The following PTPRK variants were observed in gnomAD, a reference collection of about 807,000 sequenced individuals.
PTPRK encodes receptor-type tyrosine-protein phosphatase kappa.
In PTPRK, 75 loss-of-function variants were observed where a neutral mutation model predicts 178.0. The observed-to-expected ratio is 0.42, with a 90% CI of 0.35 to 0.51. The LOEUF (loss-of-function observed/expected upper bound fraction) is 0.51, where lower values mean the gene tolerates loss of function less well. Among genes scored for constraint, PTPRK ranks in the 20% least tolerant of loss-of-function variants. The probability of loss-of-function intolerance (pLI) is 0.02; values close to 1 mark genes in which losing one functional copy is unlikely to be tolerated. For missense variants in PTPRK, 1,441 were observed against 1,797.8 expected (o/e 0.80, Z 3.59); for synonymous variants, 637 against 620.6 (o/e 1.03, Z -0.39).
intron 1 of PTPRK, among the ~76,000 whole-genome samples, chr6:128,481,630 G>A (rs1016963047): frequency 2.6e-5 from 4 of 151,992 alleles, no homozygotes; most frequent in African/African-American, 9.7e-5. Flanking sequence ...TCCTCTAGTT[G>A]TAAATCTACC....
Position 128,397,548 on chromosome 6 carries a change from A to G in PTPRK, c.223+18T>C, listed in dbSNP as rs1840478004. ...CAAAACTATTCCCCCAACACTGACT[A>G]AACAGAGTGACTCTCACCTTGGGGC... On this transcript the variant is annotated intron_variant, in intron 2 of 29. Coordinates refer to ENST00000368226, the MANE Select transcript of PTPRK (RefSeq NM_002844.4). The G allele has an allele frequency of 6.2e-7, 1 of 1,613,712 alleles. No individual in the cohort carries two copies. Among genetic ancestry groups the G allele is most frequent in the Non-Finnish European group, 8.5e-7 (1 of 1,179,694 alleles).
chr6:128,277,196 C>T (rs1445423185), intron 3 of PTPRK, among the ~76,000 whole-genome samples: 1 of 151,396 alleles, frequency 6.6e-6, no homozygotes, highest in Admixed American at 6.6e-5. Flanking sequence ...ATAAAACAAA[C>T]ATTGAACGTT....
chr6:128,289,395 T>C (rs901978793), intron 3 of PTPRK, among the ~76,000 whole-genome samples: 1 of 152,132 alleles, frequency 6.6e-6, no homozygotes, highest in Non-Finnish European at 1.5e-5. Context: ...GAGCCACAAA[T>C]CAAATTTATA....
intron 2 of PTPRK, among the ~76,000 whole-genome samples, chr6:128,392,783 T>C (rs1372516796): frequency 6.6e-6 from 1 of 152,236 alleles, no homozygotes; most frequent in Non-Finnish European, 1.5e-5. Context: ...AAGAGAACAC[T>C]TTTTTGATAG....
chr6:128,039,947 A>G (rs1776890313), intron 13 of PTPRK, among the ~76,000 whole-genome samples: 1 of 152,116 alleles, frequency 6.6e-6, no homozygotes, highest in Non-Finnish European at 1.5e-5. Flanking sequence ...ACTAACAAAG[A>G]CATATTCAAG....
chr6:128,359,758 T>TA (rs899562314), intron 2 of PTPRK, among the ~76,000 whole-genome samples: 64 of 145,488 alleles, frequency 4.4e-4, no homozygotes, highest in Middle Eastern at 3.4e-3. Context: ...GTCTCAAAAA[T>TA]AAAAAAAAAA....
At chr6:128,369,903 T>A (rs1836029775) in intron 2 of PTPRK, among the ~76,000 whole-genome samples, 1 of 152,022 alleles carries the variant, frequency 6.6e-6, no homozygotes, top group Admixed American at 6.6e-5. Flanking sequence ...GCAGACAGTC[T>A]TGTAAGAGAA....
intron 1 of PTPRK, among the ~76,000 whole-genome samples, chr6:128,419,014 T>A (rs145938221): frequency 1.5e-4 from 23 of 152,344 alleles, no homozygotes; most frequent in African/African-American, 5.3e-4. Flanking sequence ...AAAATTCTTA[T>A]CAGGACTTTA....
At chr6:128,219,832 T>G (rs886581772) in intron 5 of PTPRK, among the ~76,000 whole-genome samples, 1 of 152,220 alleles carries the variant, frequency 6.6e-6, no homozygotes, top group African/African-American at 2.4e-5. Context: ...CCTGTGCATC[T>G]CTGTATTCCA....
At chr6:128,097,985 C>CA (rs747022162) in intron 7 of PTPRK, among the ~76,000 whole-genome samples, 99 of 152,116 alleles carry the variant, frequency 6.5e-4, no homozygotes, top group Non-Finnish European at 1.0e-3. Context: ...ATAGCAAAGA[C>CA]AAAATTCTAA....
At chr6:128,137,073 T>G (rs1001383549) in intron 7 of PTPRK, among the ~76,000 whole-genome samples, 1 of 152,192 alleles carries the variant, frequency 6.6e-6, no homozygotes, top group Admixed American at 6.5e-5. Context: ...AGAGCTATAC[T>G]CTGCAGGGGA....
chr6:128,359,025 T>G (rs1280984502), intron 2 of PTPRK, among the ~76,000 whole-genome samples: 1 of 152,234 alleles, frequency 6.6e-6, no homozygotes, highest in East Asian at 1.9e-4. Flanking sequence ...TTAAATAGGA[T>G]GCATACTGTA....
intron 1 of PTPRK, among the ~76,000 whole-genome samples, chr6:128,443,736 A>G (rs1183563033): frequency 2.6e-5 from 4 of 152,228 alleles, no homozygotes; most frequent in Non-Finnish European, 5.9e-5. Flanking sequence ...AAGAAAATAC[A>G]TATTTGTACA....
intron 6 of PTPRK, among the ~76,000 whole-genome samples, chr6:128,205,399 C>T (rs565110413): frequency 6.6e-6 from 1 of 152,016 alleles, no homozygotes; most frequent in Non-Finnish European, 1.5e-5. Flanking sequence ...GCACATCCTG[C>T]ACATGTACCC....
chr6:128,273,267 G>A (rs1207404775), intron 3 of PTPRK, among the ~76,000 whole-genome samples: 9 of 151,922 alleles, frequency 5.9e-5, no homozygotes, highest in Non-Finnish European at 1.3e-4. Context: ...TAAATGATGA[G>A]TTAATGGGTG....
chr6:128,368,695 C>T (rs1835856163), intron 2 of PTPRK, among the ~76,000 whole-genome samples: 1 of 152,030 alleles, frequency 6.6e-6, no homozygotes, highest in Admixed American at 6.6e-5. Context: ...GTCACCTTAA[C>T]TCCAAGTAGC....
chr6:128,116,891 A>T (rs1791613745), intron 7 of PTPRK, among the ~76,000 whole-genome samples: 1 of 152,232 alleles, frequency 6.6e-6, no homozygotes, highest in Non-Finnish European at 1.5e-5. Flanking sequence ...TCACGCCTGT[A>T]ATCCCAGCAC....
chr6:128,007,129 C>T (rs1228075837), intron 14 of PTPRK, among the ~76,000 whole-genome samples: 1 of 150,606 alleles, frequency 6.6e-6, no homozygotes, highest in African/African-American at 2.4e-5. Context: ...CAATGCAATG[C>T]TGCTATATCT....
At chr6:128,389,558 T>C (rs1032693253) in intron 2 of PTPRK, among the ~76,000 whole-genome samples, 22 of 151,820 alleles carry the variant, frequency 1.4e-4, no homozygotes, top group African/African-American at 4.8e-4. Flanking sequence ...TATAAGGTCA[T>C]AACTGTATTT....
Sources: gnomAD v4.1 joint callset for allele counts (sites outside exome capture counted in the v4.1 genomes callset) on GRCh38, gnomAD v4.1.1 for gene constraint, MANE v1.5 for transcripts, NCBI Gene and HGNC (gene_info 2026-07-23, HGNC 2026-07-21) for gene names.